Variants in SGCZ observed in about 807,000 individuals in gnomAD.
The protein encoded by SGCZ is sarcoglycan zeta, also known as zeta-sarcoglycan.
In SGCZ, 40 loss-of-function variants were observed where a neutral mutation model predicts 41.3. The observed-to-expected ratio is 0.97, with a 90% CI of 0.75 to 1.26. The LOEUF is 1.26. Among genes scored for constraint, SGCZ ranks in the 50% most tolerant of loss-of-function variants. SGCZ has a pLI of 0.00. For synonymous variants in SGCZ, 206 were observed against 137.5 expected (o/e 1.50, Z -3.49); for missense variants, 552 against 369.8 (o/e 1.49, Z -4.04).
chr8:14,205,019 C>T (rs997780639), intron 4 of SGCZ, among the ~76,000 whole-genome samples: 1 of 152,158 alleles, frequency 6.6e-6, no homozygotes, highest in African/African-American at 2.4e-5. Flanking sequence ...GCCTGTTTGT[C>T]TGTCTATCTA....
chr8:14,164,950 C>G (rs943675730), intron 4 of SGCZ: 14 of 414,040 alleles, frequency 3.4e-5, no homozygotes, highest in Non-Finnish European at 5.7e-5. Flanking sequence ...GTGAGTTTAG[C>G]CAGTTAAGAG....
intron 3 of SGCZ, among the ~76,000 whole-genome samples, chr8:14,256,994 T>C (rs1465206847): frequency 2.6e-5 from 4 of 152,148 alleles, no homozygotes; most frequent in Non-Finnish European, 5.9e-5. Context: ...CAATTAAAAA[T>C]AATCCTCATT....
At chr8:14,527,321 A>T (rs1157616190) in intron 2 of SGCZ, among the ~76,000 whole-genome samples, 1 of 152,138 alleles carries the variant, frequency 6.6e-6, no homozygotes, top group Non-Finnish European at 1.5e-5. Context: ...TTTGTTTGAT[A>T]GGTGGGGTCT....
intron 2 of SGCZ, among the ~76,000 whole-genome samples, chr8:14,334,313 G>C (rs1185499480): frequency 1.3e-5 from 2 of 152,054 alleles, no homozygotes; most frequent in Non-Finnish European, 2.9e-5. Context: ...CACTTCAGCA[G>C]ATATTGAGCC....
At chr8:14,743,877 T>C (rs1172427719) in intron 1 of SGCZ, among the ~76,000 whole-genome samples, 3 of 152,060 alleles carry the variant, frequency 2.0e-5, no homozygotes, top group African/African-American at 7.2e-5. Context: ...TGAAATTCAA[T>C]GATAGATTAA....
intron 1 of SGCZ, among the ~76,000 whole-genome samples, chr8:14,729,366 C>T (rs530313383): frequency 3.5e-4 from 54 of 152,274 alleles, no homozygotes; most frequent in African/African-American, 1.2e-3. Context: ...TGAGTACCCC[C>T]AAAATTCATA....
intron 1 of SGCZ, among the ~76,000 whole-genome samples, chr8:14,555,543 G>A (rs550946611): frequency 6.6e-6 from 1 of 152,080 alleles, no homozygotes; most frequent in African/African-American, 2.4e-5. Context: ...AAGCCTCTAT[G>A]CTTCCTGTAC....
intron 1 of SGCZ, among the ~76,000 whole-genome samples, chr8:14,708,004 A>C (rs941044938): frequency 1.3e-5 from 2 of 152,152 alleles, no homozygotes. Flanking sequence ...AGATCAGGAA[A>C]GCAACTAAAG....
chr8:14,540,479 T>C (rs1214058479), intron 2 of SGCZ, among the ~76,000 whole-genome samples: 1 of 151,838 alleles, frequency 6.6e-6, no homozygotes, highest in East Asian at 1.9e-4. Context: ...TATCTCTATA[T>C]CTTTCGTCTT....
intron 1 of SGCZ, among the ~76,000 whole-genome samples, chr8:15,151,923 C>A (rs1041993793): frequency 6.6e-6 from 1 of 152,064 alleles, no homozygotes; most frequent in African/African-American, 2.4e-5. Flanking sequence ...GTGTAAACCA[C>A]ATACACTAAG....
At chr8:14,925,258 C>T (rs1354639465) in intron 1 of SGCZ, among the ~76,000 whole-genome samples, 9 of 152,154 alleles carry the variant, frequency 5.9e-5, no homozygotes, top group Admixed American at 1.3e-4. Flanking sequence ...CTATCACTGT[C>T]GAAGACAAAA....
intron 1 of SGCZ, among the ~76,000 whole-genome samples, chr8:14,644,655 T>C (rs1807147381): frequency 6.6e-6 from 1 of 151,792 alleles, no homozygotes; most frequent in Non-Finnish European, 1.5e-5. Flanking sequence ...GTTCTTTTTC[T>C]GTCATGCCTC....
intron 2 of SGCZ, among the ~76,000 whole-genome samples, chr8:14,432,018 T>TA (rs1799955867): frequency 6.6e-6 from 1 of 151,784 alleles, no homozygotes; most frequent in Non-Finnish European, 1.5e-5. Context: ...AATCCAAAAA[T>TA]TAAAAAAAAT....
At chr8:14,131,980 G>A (rs12675921) in intron 5 of SGCZ, among the ~76,000 whole-genome samples, 26,728 of 151,942 alleles carry the variant, frequency 0.18, 3,151 homozygotes, top group East Asian at 0.62. Context: ...ACATAATGAT[G>A]AAAACACTTG....
chr8:14,519,224 T>C (rs1270704570), intron 2 of SGCZ, among the ~76,000 whole-genome samples: 1 of 152,176 alleles, frequency 6.6e-6, no homozygotes, highest in Non-Finnish European at 1.5e-5. Context: ...CTTGCTGCTC[T>C]GGAAGCTGTT....
intron 2 of SGCZ, among the ~76,000 whole-genome samples, chr8:14,501,357 A>G (rs1448411311): frequency 6.6e-6 from 1 of 151,970 alleles, no homozygotes; most frequent in Non-Finnish European, 1.5e-5. Flanking sequence ...ATAACCTAAC[A>G]TAGTCACAGT....
At chr8:14,892,427 G>A (rs1257321111) in intron 1 of SGCZ, among the ~76,000 whole-genome samples, 1 of 152,142 alleles carries the variant, frequency 6.6e-6, no homozygotes, top group Non-Finnish European at 1.5e-5. Flanking sequence ...ATACGACTGT[G>A]ATAAAGGAAC....
At chr8:14,282,229 G>C (rs568300996) in intron 3 of SGCZ, among the ~76,000 whole-genome samples, 1 of 151,668 alleles carries the variant, frequency 6.6e-6, no homozygotes, top group Non-Finnish European at 1.5e-5. Flanking sequence ...ATACTGATCC[G>C]CCTGTATCCC....
chr8:15,183,945 T>C (rs1273260061), intron 1 of SGCZ, among the ~76,000 whole-genome samples: 2 of 152,144 alleles, frequency 1.3e-5, no homozygotes. Context: ...AAGGTCTGTG[T>C]AAAGCAAAGA....
Sources: gnomAD v4.1 joint callset for allele counts (sites outside exome capture counted in the v4.1 genomes callset) on GRCh38, gnomAD v4.1.1 for gene constraint, MANE v1.5 for transcripts, NCBI Gene and HGNC (gene_info 2026-07-23, HGNC 2026-07-21) for gene names.